The following AK8 variants were observed in gnomAD, a reference collection of about 807,000 sequenced individuals.
AK8 encodes the protein ATP-AMP transphosphorylase 8.
A neutral mutation model predicts 54.6 loss-of-function variants in AK8; 44 were observed. That is an observed-to-expected ratio of 0.81 (90% confidence interval 0.63 to 1.04). The LOEUF (loss-of-function observed/expected upper bound fraction) is 1.04. Among genes scored for constraint, AK8 ranks in the 50% least tolerant of loss-of-function variants. The pLI, the probability that AK8 is intolerant of heterozygous loss-of-function variation, is 0.00. For synonymous variants in AK8, 239 were observed against 245.6 expected, an observed-to-expected ratio of 0.97 and a Z score of 0.25; for missense variants, 555 against 613.6, an observed-to-expected ratio of 0.90 and a Z score of 1.01.
At chr9:132,734,209 C>A (rs1307316219) in intron 11 of AK8, among the ~76,000 whole-genome samples, 1 of 152,192 alleles carries the variant, frequency 6.6e-6, no homozygotes, top group Non-Finnish European at 1.5e-5. Flanking sequence ...CCCCTTCCCC[C>A]AAGAGCTACT....
intron 11 of AK8, among the ~76,000 whole-genome samples, chr9:132,778,290 C>T (rs1564396511): frequency 6.6e-6 from 1 of 152,180 alleles, no homozygotes; most frequent in African/African-American, 2.4e-5. Flanking sequence ...AAGGCTAACA[C>T]CCTGCTCGTC....
chr9:132,793,912 C>G (rs2131172714), intron 10 of AK8, among the ~76,000 whole-genome samples: 1 of 152,306 alleles, frequency 6.6e-6, no homozygotes, highest in East Asian at 1.9e-4. Flanking sequence ...GGTTACCCTC[C>G]TACCGACTGC....
chr9:132,864,882 A>G (rs1260441595), intron 3 of AK8, among the ~76,000 whole-genome samples: 1 of 152,218 alleles, frequency 6.6e-6, no homozygotes, highest in Non-Finnish European at 1.5e-5. Flanking sequence ...AGACAAAAGG[A>G]GAGCCTCCCA....
At chr9:132,760,262 C>T (rs1182808108) in intron 11 of AK8, among the ~76,000 whole-genome samples, 2 of 151,856 alleles carry the variant, frequency 1.3e-5, no homozygotes, top group Non-Finnish European at 2.9e-5. Flanking sequence ...TAGCTCACTG[C>T]AGCCCTGACT....
In AK8 at chr9:132,753,181, T is replaced by C. The variant is rs185229055; in HGVS notation, c.1122-25647A>G. On this transcript the variant is annotated intron_variant, in intron 11 of 12. Coordinates refer to ENST00000298545, the MANE Select transcript of AK8 (RefSeq NM_152572.3). ...CCAGGCCACTGTTGACCTCCTTTTG[T>C]CCTGGGGAATCTGAGGATCAGAGAC... Among the ~76,000 whole-genome samples, 458 of 152,338 alleles carry C rather than the reference T, an allele frequency of 3.0e-3. 2 individuals carry two copies. Among genetic ancestry groups the C allele is most frequent in the African/African-American group, 0.01 (428 of 41,580 alleles).
intron 11 of AK8, among the ~76,000 whole-genome samples, chr9:132,744,908 C>T (rs1837565380): frequency 6.6e-6 from 1 of 152,174 alleles, no homozygotes; most frequent in Non-Finnish European, 1.5e-5. Flanking sequence ...TACCCGCTGG[C>T]TTGATGTTTA....
At chr9:132,767,604 G>A (rs1590216606) in intron 11 of AK8, among the ~76,000 whole-genome samples, 1 of 152,162 alleles carries the variant, frequency 6.6e-6, no homozygotes, top group East Asian at 1.9e-4. Flanking sequence ...TCCACTGTGG[G>A]ATGTGTATCA....
intron 1 of AK8, among the ~76,000 whole-genome samples, chr9:132,876,201 C>A (rs1844088643): frequency 6.6e-6 from 1 of 152,184 alleles, no homozygotes; most frequent in African/African-American, 2.4e-5. Context: ...TGGGCCTCAG[C>A]TTCTCTGCCT....
chr9:132,736,747 T>C (rs968024987), intron 11 of AK8, among the ~76,000 whole-genome samples: 2 of 140,174 alleles, frequency 1.4e-5, no homozygotes, highest in Middle Eastern at 4.1e-3. Context: ...GTTGCGCCAC[T>C]GCACTCCAGC....
chr9:132,862,614 T>A (rs1385522909), intron 4 of AK8, among the ~76,000 whole-genome samples: 4 of 151,796 alleles, frequency 2.6e-5, no homozygotes, highest in Admixed American at 2.6e-4. Context: ...TAGGCGTGAG[T>A]CATTGCACCC....
chr9:132,751,407 C>T (rs896154281), intron 11 of AK8, among the ~76,000 whole-genome samples: 4 of 147,638 alleles, frequency 2.7e-5, no homozygotes, highest in Non-Finnish European at 6.0e-5. Context: ...CAAAAAAAAC[C>T]AACTTCTGGG....
intron 5 of AK8, among the ~76,000 whole-genome samples, chr9:132,845,911 C>A (rs1842730162): frequency 6.7e-6 from 1 of 148,292 alleles, no homozygotes; most frequent in East Asian, 2.0e-4. Context: ...TTTTAAAAAT[C>A]ACGGAAACAA....
At chr9:132,774,798 G>A (rs534546399) in intron 11 of AK8, among the ~76,000 whole-genome samples, 1 of 152,126 alleles carries the variant, frequency 6.6e-6, no homozygotes, top group Non-Finnish European at 1.5e-5. Context: ...AGATTGCTTT[G>A]GAGCTCTGAT....
intron 11 of AK8, among the ~76,000 whole-genome samples, chr9:132,780,284 GAAGA>G (rs1839407122): frequency 6.6e-6 from 1 of 152,254 alleles, no homozygotes; most frequent in African/African-American, 2.4e-5. Context: ...GGAAATCTAA[GAAGA>G]AAGCTTCCAG....
chr9:132,792,270 T>A (rs1227765474), intron 11 of AK8, among the ~76,000 whole-genome samples: 1 of 152,242 alleles, frequency 6.6e-6, no homozygotes, highest in Non-Finnish European at 1.5e-5. Flanking sequence ...GGACTCATAC[T>A]GCCTACTCAC....
intron 1 of AK8, among the ~76,000 whole-genome samples, chr9:132,876,582 A>G (rs1588249735): frequency 1.3e-5 from 2 of 152,242 alleles, no homozygotes; most frequent in African/African-American, 2.4e-5. Flanking sequence ...CAGTTCAGGT[A>G]ATCCTATTGT....
At position 132,853,783 on chromosome 9, in the gene AK8, CAAA is replaced by C. The variant is rs71376669; in HGVS notation, c.402+1071_402+1073del. Reference sequence around the variant, plus strand: ...TGGGCAACAGAGCAAGACTCTGCCTCAAAAAAAAAAAAAAAAAAAAAAAAAGTA... The same window carrying C: ...TGGGCAACAGAGCAAGACTCTGCCTCAAAAAAAAAAAAAAAAAAAAAAGTA... On this transcript the variant is annotated intron_variant, in intron 5 of 12. Coordinates refer to ENST00000298545, the MANE Select transcript of AK8 (RefSeq NM_152572.3). Among the ~76,000 whole-genome samples the C allele has an allele frequency of 1.1e-3, 48 of 42,596 alleles. No homozygotes were observed. The Admixed American group carries it at 0.012, about 11-fold the overall frequency. The allele number at this position is 42,596 out of a possible 152,430, so 27.9% of individuals were successfully genotyped here. A position where few individuals can be genotyped will look rare whatever the true frequency, so the allele number is the denominator to read the frequency against.
intron 11 of AK8, among the ~76,000 whole-genome samples, chr9:132,754,591 C>T (rs115298262): frequency 0.012 from 1,758 of 152,214 alleles, 38 homozygotes; most frequent in African/African-American, 0.041. Context: ...TTCCTCTTGC[C>T]GCTGCCCTCT....
intron 5 of AK8, among the ~76,000 whole-genome samples, chr9:132,845,047 T>C (rs1361707845): frequency 6.6e-6 from 1 of 152,202 alleles, no homozygotes; most frequent in Admixed American, 6.5e-5. Context: ...GCAAGGTTGC[T>C]GTAAGGACTC....
Sources: gnomAD v4.1 joint callset for allele counts (sites outside exome capture counted in the v4.1 genomes callset) on GRCh38, gnomAD v4.1.1 for gene constraint, MANE v1.5 for transcripts, NCBI Gene and HGNC (gene_info 2026-07-23, HGNC 2026-07-21) for gene names.